AKT3: variants seen among roughly 807,000 people sequenced by gnomAD.
The protein encoded by AKT3 is AKT serine/threonine kinase 3.
Under a neutral mutation model 65.3 loss-of-function variants are expected in AKT3, and 15 were observed. The ratio of observed to expected loss-of-function variants is 0.23; its 90% confidence interval spans 0.15 to 0.35. AKT3 has a LOEUF of 0.35. Ranked by LOEUF, AKT3 falls within the 10% of genes least tolerant of loss-of-function variation. AKT3 has a pLI of 1.00. For missense variants in AKT3, 243 were observed against 576.5 expected (o/e 0.42, Z 5.92); for synonymous variants, 206 against 183.8 (o/e 1.12, Z -0.98).
At chr1:243,566,111 C>T (rs1243966037) in intron 9 of AKT3, among the ~76,000 whole-genome samples, 1 of 152,100 alleles carries the variant, frequency 6.6e-6, no homozygotes, top group Non-Finnish European at 1.5e-5. Flanking sequence ...TATTTCTCCA[C>T]GTTTTGACAA....
At chr1:243,589,749 TGTA>T (rs1336387529) in intron 8 of AKT3, among the ~76,000 whole-genome samples, 4 of 152,216 alleles carry the variant, frequency 2.6e-5, no homozygotes. Context: ...CCACATACAC[TGTA>T]GCATTATTCA....
chr1:243,765,310 TCTTC>T (rs1689748828), intron 2 of AKT3, among the ~76,000 whole-genome samples: 1 of 152,016 alleles, frequency 6.6e-6, no homozygotes, highest in Non-Finnish European at 1.5e-5. Flanking sequence ...TTCATAAATA[TCTTC>T]CTTACCACCA....
intron 8 of AKT3, among the ~76,000 whole-genome samples, chr1:243,582,135 G>A (rs937208455): frequency 6.6e-6 from 1 of 152,004 alleles, no homozygotes; most frequent in African/African-American, 2.4e-5. Context: ...ATTCCTGAGA[G>A]AGAAGAAGAA....
rs145082717 is a variant in AKT3, at chr1:243,773,991, T to C, written c.46+69134A>G. On this transcript the variant is annotated intron_variant, in intron 2 of 13. Transcript: ENST00000673466. ...AGCCTACAGGTCTTGGAGATCTCTT[T>C]TGAACAGAGTGAACAGAGAAGGATC... 1.2e-3 allele frequency among the ~76,000 whole-genome samples: 180 copies of C among 152,286 alleles called. 1 individual carries two copies. Among genetic ancestry groups the C allele is most frequent in the African/African-American group, 4.2e-3 (173 of 41,562 alleles).
chr1:243,843,643 T>A, intron 1 of AKT3: 1 of 919,112 alleles, frequency 1.1e-6, no homozygotes, highest in Non-Finnish European at 1.3e-6. Flanking sequence ...TCAGAAGCAA[T>A]TGTAAATTTT....
chr1:243,758,880 G>A (rs1190360567), intron 2 of AKT3, among the ~76,000 whole-genome samples: 3 of 152,194 alleles, frequency 2.0e-5, no homozygotes, highest in East Asian at 1.9e-4. Flanking sequence ...CAGGCTGGGG[G>A]TTGGGGACAC....
intron 4 of AKT3, among the ~76,000 whole-genome samples, chr1:243,649,771 C>A (rs1208702735): frequency 6.6e-6 from 1 of 152,106 alleles, no homozygotes. Context: ...GCATAGTATT[C>A]CATGGTGTAT....
intron 4 of AKT3, among the ~76,000 whole-genome samples, chr1:243,647,259 A>T (rs561456922): frequency 1.7e-4 from 26 of 152,224 alleles, no homozygotes; most frequent in Non-Finnish European, 3.1e-4. Context: ...TAAGATTATT[A>T]CACTGTATTT....
intron 2 of AKT3, among the ~76,000 whole-genome samples, chr1:243,834,350 T>C (rs541836712): frequency 3.3e-4 from 50 of 152,230 alleles, no homozygotes; most frequent in Middle Eastern, 6.8e-3. Context: ...ATCATGTCCT[T>C]TGCAGCAACA....
intron 6 of AKT3, among the ~76,000 whole-genome samples, chr1:243,620,663 G>A (rs1678676882): frequency 6.6e-6 from 1 of 152,054 alleles, no homozygotes. Flanking sequence ...CTGTCAGACT[G>A]TCTTCTGTTC....
intron 12 of AKT3, among the ~76,000 whole-genome samples, chr1:243,534,037 T>C (rs1671736398): frequency 6.6e-6 from 1 of 151,904 alleles, no homozygotes; most frequent in South Asian, 2.1e-4. Flanking sequence ...TCCAACTGTA[T>C]CAATTATCAT....
At chr1:243,634,022 T>TA (rs1437489888) in intron 6 of AKT3, among the ~76,000 whole-genome samples, 3 of 152,082 alleles carry the variant, frequency 2.0e-5, no homozygotes, top group South Asian at 2.1e-4. Context: ...CCAAACTCTA[T>TA]AAAGTCATTC....
In AKT3 at chr1:243,850,081, G is replaced by C. The variant is rs1335406272; in HGVS notation, c.-154C>G. ...GGCGGTGGCGGCCCCGCAGCTGCTC[G>C]GGCGGCGGCGGAGGATGGAGCCGGG... On this transcript the variant is annotated 5_prime_UTR_variant, in exon 1 of 14. Coordinates refer to ENST00000673466, the MANE Select transcript of AKT3 (RefSeq NM_005465.7). 1.2e-6 allele frequency: 1 copy of C among 837,626 alleles called. No homozygotes were observed. Among genetic ancestry groups the C allele is most frequent in the Admixed American group, 6.3e-5 (1 of 15,880 alleles). 51.9% of individuals were successfully genotyped at this position (837,626 alleles called of 1,614,324 possible). A position where few individuals can be genotyped will look rare whatever the true frequency, so the allele number is the denominator to read the frequency against.
At chr1:243,832,938 G>T (rs1201439860) in intron 2 of AKT3, among the ~76,000 whole-genome samples, 1 of 152,130 alleles carries the variant, frequency 6.6e-6, no homozygotes, top group Non-Finnish European at 1.5e-5. Flanking sequence ...TTATATGGCT[G>T]TATTTGTCCA....
chr1:243,613,186 C>A (rs1162323100), intron 8 of AKT3, among the ~76,000 whole-genome samples: 2 of 31,396 alleles, frequency 6.4e-5, no homozygotes, highest in Non-Finnish European at 2.0e-4. Flanking sequence ...CTCATATATA[C>A]ATACACACAC....
intron 11 of AKT3, among the ~76,000 whole-genome samples, chr1:243,552,288 CA>C (rs33995513): frequency 4.0e-4 from 20 of 50,166 alleles, no homozygotes; most frequent in African/African-American, 1.8e-3. Flanking sequence ...GACTCTGTCT[CA>C]AAAAAAAAAA....
chr1:243,687,517 T>C (rs1308382680), intron 3 of AKT3: 1 of 152,152 alleles, frequency 6.6e-6, no homozygotes, highest in Non-Finnish European at 1.5e-5. Flanking sequence ...TGATGAAATC[T>C]TTCAGAGATG....
intron 8 of AKT3, among the ~76,000 whole-genome samples, chr1:243,579,567 A>G (rs1291662099): frequency 2.0e-5 from 3 of 152,202 alleles, no homozygotes; most frequent in African/African-American, 7.2e-5. Context: ...GGCTGAAAAG[A>G]GAATGTGAAG....
chr1:243,756,762 ACCT>A (rs1214181823), intron 2 of AKT3, among the ~76,000 whole-genome samples: 3 of 152,212 alleles, frequency 2.0e-5, no homozygotes, highest in Admixed American at 6.5e-5. Flanking sequence ...GTCTCAAATT[ACCT>A]CCTTAGAAAA....
Sources: gnomAD v4.1 joint callset for allele counts (sites outside exome capture counted in the v4.1 genomes callset) on GRCh38, gnomAD v4.1.1 for gene constraint, MANE v1.5 for transcripts, NCBI Gene and HGNC (gene_info 2026-07-23, HGNC 2026-07-21) for gene names.